Variants in TRAPPC9 observed in about 807,000 individuals in gnomAD.
TRAPPC9 encodes the protein IKK2 binding protein.
TRAPPC9 carries 83 observed loss-of-function variants against 124.0 expected under a neutral mutation model. The observed-to-expected ratio is 0.67, with a 90% confidence interval of 0.56 to 0.80. TRAPPC9 has a LOEUF of 0.80. Among genes scored for constraint, TRAPPC9 ranks in the 30% least tolerant of loss-of-function variants. The pLI, the probability that TRAPPC9 is intolerant of heterozygous loss-of-function variation, is 0.00. For synonymous variants in TRAPPC9, 638 were observed against 617.5 expected (o/e 1.03, Z -0.49); for missense variants, 1,302 against 1,508.3 (o/e 0.86, Z 2.27).
chr8:140,161,263 A>T (rs535067889), intron 17 of TRAPPC9, among the ~76,000 whole-genome samples: 1 of 152,222 alleles, frequency 6.6e-6, no homozygotes, highest in Non-Finnish European at 1.5e-5. Flanking sequence ...AATTTTACAG[A>T]GGTAGAAGCT....
At chr8:140,408,903 A>C (rs2069593016) in intron 5 of TRAPPC9, among the ~76,000 whole-genome samples, 1 of 152,200 alleles carries the variant, frequency 6.6e-6, no homozygotes, top group African/African-American at 2.4e-5. Context: ...ACCATAGTTC[A>C]AAAAACACAG....
intron 19 of TRAPPC9, among the ~76,000 whole-genome samples, chr8:139,987,373 G>A (rs1168453048): frequency 6.6e-6 from 1 of 152,182 alleles, no homozygotes; most frequent in Non-Finnish European, 1.5e-5. Flanking sequence ...CACAAGGCAT[G>A]AGAGTTCCTG....
At chr8:140,414,924 G>A (rs1244470149) in intron 5 of TRAPPC9, among the ~76,000 whole-genome samples, 1 of 152,104 alleles carries the variant, frequency 6.6e-6, no homozygotes. Context: ...ATTTTTAGTA[G>A]AGATGGGGTT....
intron 7 of TRAPPC9, among the ~76,000 whole-genome samples, chr8:140,378,616 C>A (rs1185301655): frequency 1.3e-5 from 2 of 152,110 alleles, no homozygotes. Context: ...CTCTAGAGAA[C>A]CCTGACTAAT....
chr8:140,234,729 T>G (rs2063689853), intron 16 of TRAPPC9, among the ~76,000 whole-genome samples: 1 of 152,222 alleles, frequency 6.6e-6, no homozygotes, highest in Non-Finnish European at 1.5e-5. Flanking sequence ...CCAAATCTTC[T>G]ATAATTCCTG....
intron 21 of TRAPPC9, among the ~76,000 whole-genome samples, chr8:139,784,436 T>C (rs903361662): frequency 1.3e-5 from 2 of 151,900 alleles, no homozygotes; most frequent in African/African-American, 4.8e-5. Flanking sequence ...CAGCTGGGTA[T>C]GGTGGCGGGC....
chr8:139,921,566 A>C (rs928419068), intron 19 of TRAPPC9, among the ~76,000 whole-genome samples: 2 of 152,088 alleles, frequency 1.3e-5, no homozygotes, highest in Non-Finnish European at 2.9e-5. Flanking sequence ...AGCTGGAGAG[A>C]AGTGTTGACC....
At position 140,148,251 on chromosome 8, in the gene TRAPPC9, A is replaced by G. The variant is rs549783924; in HGVS notation, c.2556+73208T>C. ...ACCCAGATCATTTTAATAAAAAATG[A>G]TGCTCTCGGTCGTTATTCCACATTT... On this transcript the variant is annotated intron_variant, in intron 17 of 22. Transcript: ENST00000438773. Among the ~76,000 whole-genome samples, 49 of 152,360 alleles carry G rather than the reference A, an allele frequency of 3.2e-4. 1 individual carries two copies. The highest frequency in any genetic ancestry group is 1.2e-3 in the African/African-American group (49 of 41,590).
intron 2 of TRAPPC9, 60 bp downstream of exon 2, chr8:140,450,730 C>T (rs2071423409): frequency 5.2e-6 from 7 of 1,337,828 alleles, no homozygotes; most frequent in Middle Eastern, 2.2e-4. Flanking sequence ...AAATTCTGCC[C>T]TGTGCTTTCC....
chr8:140,132,361 G>A (rs775504665), intron 17 of TRAPPC9, among the ~76,000 whole-genome samples: 72 of 152,256 alleles, frequency 4.7e-4, no homozygotes, highest in Admixed American at 6.5e-4. Context: ...TGACACCCAC[G>A]GGTCTTTTTA....
chr8:140,171,321 C>G (rs117237936), intron 17 of TRAPPC9, among the ~76,000 whole-genome samples: 2,770 of 152,280 alleles, frequency 0.018, 30 homozygotes, highest in Non-Finnish European at 0.025. Flanking sequence ...AAGAAAAATA[C>G]TCTTTTAAAA....
chr8:140,081,938 T>A (rs1389498982), intron 17 of TRAPPC9: 1 of 152,366 alleles, frequency 6.6e-6, no homozygotes, highest in Admixed American at 6.5e-5. Flanking sequence ...AGTTTCTAGA[T>A]GTTGGTACCA....
intron 9 of TRAPPC9, among the ~76,000 whole-genome samples, chr8:140,347,286 C>T (rs1209022653): frequency 6.6e-6 from 1 of 152,202 alleles, no homozygotes; most frequent in Non-Finnish European, 1.5e-5. Context: ...CACCTGCCTG[C>T]CTCAGGCCTT....
chr8:140,293,705 G>C (rs1049002827), intron 11 of TRAPPC9, among the ~76,000 whole-genome samples: 4 of 151,604 alleles, frequency 2.6e-5, no homozygotes, highest in African/African-American at 9.8e-5. Context: ...TCACACTCTG[G>C]GGACTATTGT....
chr8:140,059,972 T>G (rs116967625), intron 17 of TRAPPC9, among the ~76,000 whole-genome samples: 2,709 of 152,338 alleles, frequency 0.018, 43 homozygotes, highest in South Asian at 0.053. Flanking sequence ...TTTCTGAGTC[T>G]GCTTCCAGTG....
At chr8:140,330,206 C>T (rs1329892666) in intron 9 of TRAPPC9, among the ~76,000 whole-genome samples, 1 of 151,654 alleles carries the variant, frequency 6.6e-6, no homozygotes, top group African/African-American at 2.4e-5. Context: ...ACATGTCCAG[C>T]AAGTTAAGCA....
At chr8:139,870,496 A>G (rs1246002422) in intron 21 of TRAPPC9, among the ~76,000 whole-genome samples, 1 of 152,234 alleles carries the variant, frequency 6.6e-6, no homozygotes, top group East Asian at 1.9e-4. Context: ...CATGCTTATA[A>G]CAGCAAAACA....
At chr8:140,280,301 G>A (rs116295637) in intron 14 of TRAPPC9, among the ~76,000 whole-genome samples, 182 of 152,334 alleles carry the variant, frequency 1.2e-3, no homozygotes, top group African/African-American at 4.0e-3. Flanking sequence ...CAACACTGAA[G>A]CCTTGCCAAA....
At chr8:139,760,394 G>A (rs1174552466) in intron 21 of TRAPPC9, among the ~76,000 whole-genome samples, 1 of 152,134 alleles carries the variant, frequency 6.6e-6, no homozygotes, top group African/African-American at 2.4e-5. Flanking sequence ...CTCCCAGGGT[G>A]GCCTGTCTCA....
Sources: gnomAD v4.1 joint callset for allele counts (sites outside exome capture counted in the v4.1 genomes callset) on GRCh38, gnomAD v4.1.1 for gene constraint, MANE v1.5 for transcripts, NCBI Gene and HGNC (gene_info 2026-07-23, HGNC 2026-07-21) for gene names.